MEIOB: variants seen among roughly 807,000 people sequenced by gnomAD.
MEIOB encodes the protein meiosis-specific with OB domain-containing protein.
MEIOB carries 50 observed loss-of-function variants against 53.1 expected under a neutral mutation model. That is an observed-to-expected ratio of 0.94 (90% CI 0.75 to 1.19). The LOEUF (loss-of-function observed/expected upper bound fraction) is 1.19, where lower values mean the gene tolerates loss of function less well. Among genes scored for constraint, MEIOB ranks in the 50% most tolerant of loss-of-function variants. The probability of loss-of-function intolerance (pLI) is 0.00; values close to 1 mark genes in which losing one functional copy is unlikely to be tolerated. For missense variants in MEIOB, 551 were observed against 550.8 expected, an observed-to-expected ratio of 1.00 and a Z score of 0.00; for synonymous variants, 192 against 182.5, an observed-to-expected ratio of 1.05 and a Z score of -0.42.
chr16:1,839,178 A>G (rs1050732428), intron 12 of MEIOB, 77 bp downstream of exon 12: 8 of 1,443,554 alleles, frequency 5.5e-6, no homozygotes, highest in Middle Eastern at 1.8e-4. Flanking sequence ...AATGTTTGAC[A>G]AAACAACCTA....
chr16:1,848,843 C>T (rs1014851768), intron 9 of MEIOB, among the ~76,000 whole-genome samples: 3 of 152,180 alleles, frequency 2.0e-5, no homozygotes, highest in African/African-American at 7.2e-5. Context: ...TGCGCCTGGC[C>T]GGCAAAATCC....
At chr16:1,871,614 T>C (rs1775500789) in intron 1 of MEIOB, among the ~76,000 whole-genome samples, 1 of 125,904 alleles carries the variant, frequency 7.9e-6, no homozygotes, top group Non-Finnish European at 1.6e-5. Flanking sequence ...AACCTCCACC[T>C]CCCGGGTTCT....
chr16:1,842,623 C>CAAAA (rs202147878), intron 10 of MEIOB, among the ~76,000 whole-genome samples: 1 of 97,776 alleles, frequency 1.0e-5, no homozygotes, highest in African/African-American at 4.1e-5. Context: ...AACTCCATCT[C>CAAAA]AAAAAGACAG....
At position 1,854,179 on chromosome 16, in the gene MEIOB, T is replaced by C. The variant is rs1246857759; in HGVS notation, c.550A>G (p.Thr184Ala). ...VKSVGEPKYF[T>A]TSDRRKGQRC... The stretch of plus-strand genomic sequence containing the variant: ...TGGCCTTTTCTCCGGTCTGAAGTTG[T>C]AAAGTATTTTGGCTCTCCAACCTTA... Residue 184 changes from threonine (T) to alanine (A), a missense_variant, in exon 7 of 14, where the codon ACA becomes GCA. Coordinates refer to ENST00000325962, the MANE Select transcript of MEIOB (RefSeq NM_001163560.3). The C allele has an allele frequency of 1.9e-6, 3 of 1,548,828 alleles. No homozygotes were observed. Among genetic ancestry groups the C allele is most frequent in the Non-Finnish European group, 2.6e-6 (3 of 1,144,814 alleles).
At chr16:1,839,189 TA>T (rs1372301932) in intron 12 of MEIOB, 65 bp downstream of exon 12, 60 of 1,459,748 alleles carry the variant, frequency 4.1e-5, no homozygotes, top group East Asian at 4.8e-5. Context: ...AAACAACCTA[TA>T]TTTTTTTGGG....
chr16:1,844,746 T>G, intron 10 of MEIOB, 116 bp downstream of exon 10: 1 of 577,140 alleles, frequency 1.7e-6, no homozygotes, highest in Non-Finnish European at 3.1e-6. Context: ...CTTTAGAAAG[T>G]AGAAATATAG....
intron 2 of MEIOB, 87 bp from the exon 3 acceptor site, chr16:1,865,922 G>T: frequency 1.2e-6 from 1 of 847,224 alleles, no homozygotes. Flanking sequence ...ATACTTTACT[G>T]GCTCTAACAA....
chr16:1,859,292 A>C (rs1899383421), intron 5 of MEIOB, among the ~76,000 whole-genome samples: 1 of 152,222 alleles, frequency 6.6e-6, no homozygotes, highest in South Asian at 2.1e-4. Flanking sequence ...CTGTAATCCC[A>C]GCCCTTTGGG....
At position 1,865,774 on chromosome 16, in the gene MEIOB, C is replaced by T; in HGVS notation, c.127+4G>A. The T allele has an allele frequency of 6.5e-7, 1 of 1,545,212 alleles. No homozygotes were observed. Among genetic ancestry groups the T allele is most frequent in the Non-Finnish European group, 8.7e-7 (1 of 1,144,106 alleles). ...ATGAAACCAAGAGTTAAACAGAACT[C>T]AGCTTTTTCTGTCTGGAAAGCCTTT... On this transcript the variant is annotated splice_donor_region_variant and intron_variant, in intron 3 of 13. Transcript: ENST00000325962.
Position 1,871,977 on chromosome 16 carries a change from C to G in MEIOB, c.-10+16G>C, listed in dbSNP as rs1250498614. 3 of 120,662 alleles carry G rather than the reference C, an allele frequency of 2.5e-5. No individual in the cohort carries two copies. The highest frequency in any genetic ancestry group is 5.4e-5 in the Non-Finnish European group (3 of 55,056). 7.5% of individuals were successfully genotyped at this position (120,662 alleles called of 1,614,324 possible). ...CTGGCCCGCGTCGCCACCTGGCCGT[C>G]CACGCCGCTGCTTACCCGAGGCTCG... On this transcript the variant is annotated intron_variant, in intron 1 of 13. Transcript: ENST00000325962.
At chr16:1,857,629 A>C in intron 6 of MEIOB, 106 bp downstream of exon 6, 1 of 790,602 alleles carries the variant, frequency 1.3e-6, no homozygotes, top group South Asian at 1.7e-5. Flanking sequence ...AAGATAGAGA[A>C]GAAAAGTTAC....
At chr16:1,862,571 G>C (rs1181959056) in intron 3 of MEIOB, among the ~76,000 whole-genome samples, 1 of 152,174 alleles carries the variant, frequency 6.6e-6, no homozygotes. Flanking sequence ...AGCGAACTGT[G>C]ATTGCCCCAC....
At chr16:1,869,392 C>T (rs1899674969) in intron 1 of MEIOB, among the ~76,000 whole-genome samples, 1 of 152,152 alleles carries the variant, frequency 6.6e-6, no homozygotes. Flanking sequence ...TGCTGGATTA[C>T]AGGCGTGAGC....
In MEIOB at chr16:1,862,091, GA is replaced by G. The variant is rs1567280689; in HGVS notation, c.152del (p.Phe51SerfsTer13). The G allele has an allele frequency of 6.4e-7, 1 of 1,551,272 alleles. No homozygotes were observed. Among genetic ancestry groups the G allele is most frequent in the Admixed American group, 2.0e-5 (1 of 50,990 alleles). Reference protein sequence around the residue: ...RKNIGSERYTFSFTIRDSPAH... With the variant: ...RKNIGSERYTXSFTIRDSPAH... ...CTGGTGAATCCCGAATGGTGAAGCT[GA>G]AAGTGTACCTTTCTGATCCAATATC... On this transcript the variant is annotated frameshift_variant, in exon 4 of 14. Coordinates refer to ENST00000325962, the MANE Select transcript of MEIOB (RefSeq NM_001163560.3). LOFTEE classifies it high-confidence loss of function.
At chr16:1,869,642 G>A (rs868212139) in intron 1 of MEIOB, among the ~76,000 whole-genome samples, 11 of 151,442 alleles carry the variant, frequency 7.3e-5, no homozygotes, top group African/African-American at 1.2e-4. Flanking sequence ...TAGTAGAGAC[G>A]GGGTTTCACC....
chr16:1,838,522 A>C (rs1898809686), intron 12 of MEIOB, among the ~76,000 whole-genome samples: 1 of 152,184 alleles, frequency 6.6e-6, no homozygotes, highest in Non-Finnish European at 1.5e-5. Context: ...CTGCTGTTGT[A>C]TAGCTGCAAA....
intron 6 of MEIOB, among the ~76,000 whole-genome samples, chr16:1,856,368 G>A (rs1370269448): frequency 6.6e-6 from 1 of 151,650 alleles, no homozygotes; most frequent in African/African-American, 2.4e-5. Flanking sequence ...CGCCCAGGCT[G>A]GAGTGCAGTG....
chr16:1,838,540 G>A (rs984820317), intron 12 of MEIOB, among the ~76,000 whole-genome samples: 7 of 152,314 alleles, frequency 4.6e-5, no homozygotes, highest in Non-Finnish European at 8.8e-5. Context: ...AAATCAAGGA[G>A]AAAACGTGTA....
intron 9 of MEIOB, among the ~76,000 whole-genome samples, chr16:1,845,767 G>C (rs1340283174): frequency 1.3e-5 from 2 of 152,154 alleles, no homozygotes; most frequent in Non-Finnish European, 1.5e-5. Flanking sequence ...GTGTGCTCAA[G>C]GGTCAGGGGT....
Sources: gnomAD v4.1 joint callset for allele counts (sites outside exome capture counted in the v4.1 genomes callset) on GRCh38, gnomAD v4.1.1 for gene constraint, MANE v1.5 for transcripts, NCBI Gene and HGNC (gene_info 2026-07-23, HGNC 2026-07-21) for gene names.